Variants in L3MBTL4 observed in about 807,000 individuals in gnomAD.
L3MBTL4 encodes lethal(3)malignant brain tumor-like protein 4.
L3MBTL4 carries 70 observed loss-of-function variants against 84.5 expected under a neutral mutation model. The observed-to-expected ratio is 0.83, with a 90% CI of 0.68 to 1.01. The LOEUF is 1.01. Among genes scored for constraint, L3MBTL4 ranks in the 50% least tolerant of loss-of-function variants. L3MBTL4 has a pLI of 0.00. For missense variants in L3MBTL4, 715 were observed against 754.8 expected (o/e 0.95, Z 0.62); for synonymous variants, 274 against 259.8 (o/e 1.05, Z -0.52).
chr18:6,351,205 G>A (rs570398562), intron 1 of L3MBTL4, among the ~76,000 whole-genome samples: 19 of 152,026 alleles, frequency 1.2e-4, no homozygotes, highest in Admixed American at 2.6e-4. Context: ...CGAAAAAAGC[G>A]CATACTACAA....
At chr18:6,185,198 T>A (rs1015609326) in intron 12 of L3MBTL4, among the ~76,000 whole-genome samples, 1 of 152,142 alleles carries the variant, frequency 6.6e-6, no homozygotes, top group Non-Finnish European at 1.5e-5. Flanking sequence ...GGCATTGATT[T>A]AGGAGTCATA....
chr18:6,161,499 C>A (rs533768344), intron 13 of L3MBTL4, among the ~76,000 whole-genome samples: 1 of 152,312 alleles, frequency 6.6e-6, no homozygotes, highest in East Asian at 1.9e-4. Flanking sequence ...CCACGGTGTG[C>A]ACTCTACCTT....
At chr18:6,154,063 C>T (rs1598927869) in intron 13 of L3MBTL4, among the ~76,000 whole-genome samples, 1 of 152,208 alleles carries the variant, frequency 6.6e-6, no homozygotes, top group East Asian at 1.9e-4. Context: ...TTTTTCTTCT[C>T]TAATTACTAT....
intron 12 of L3MBTL4, among the ~76,000 whole-genome samples, chr18:6,181,689 A>G (rs771048570): frequency 6.6e-6 from 1 of 152,106 alleles, no homozygotes; most frequent in Non-Finnish European, 1.5e-5. Context: ...AGTAGGCCCC[A>G]GCATCTCTTG....
At position 6,169,114 on chromosome 18, in the gene L3MBTL4, C is replaced by T. The variant is rs1173610242; in HGVS notation, c.1096+2714G>A. On this transcript the variant is annotated intron_variant, in intron 13 of 18. Transcript: ENST00000317931. ...CACTGGTCATCAGAGAAATGCAAAT[C>T]AAAACCACAATGAGATACCATCTCA... Among the ~76,000 whole-genome samples, 3 of 152,294 alleles carry T rather than the reference C, an allele frequency of 2.0e-5. No homozygotes were observed. In the East Asian group the frequency reaches 5.8e-4, roughly 29 times the overall value.
chr18:6,209,445 CAA>C (rs60613997), intron 12 of L3MBTL4, among the ~76,000 whole-genome samples: 267 of 113,938 alleles, frequency 2.3e-3, no homozygotes, highest in East Asian at 0.019. Context: ...ACTAAACTGG[CAA>C]AAAAAAAAAA....
chr18:6,116,100 T>C (rs2059351353), intron 14 of L3MBTL4, among the ~76,000 whole-genome samples: 1 of 152,170 alleles, frequency 6.6e-6, no homozygotes. Context: ...AGAGATGCTC[T>C]AATAGCTAAA....
intron 6 of L3MBTL4, 130 bp downstream of exon 6, chr18:6,244,354 C>T (rs917575883): frequency 5.5e-6 from 3 of 544,672 alleles, no homozygotes; most frequent in Non-Finnish European, 9.5e-6. Context: ...TTTCACCCAT[C>T]GCTGACTAAA....
rs763313207 is a variant in L3MBTL4 at position 6,238,013 on chromosome 18, C to A, written c.735G>T (p.Gln245His). Residue 245 changes from glutamine to histidine, a missense_variant, in exon 10 of 19, where the codon CAG becomes CAT. Coordinates refer to ENST00000317931, the MANE Select transcript of L3MBTL4 (RefSeq NM_001330559.2). ...YWCDVNSPYV[Q>H]PVGWCQENGR... ...CATTCTCCTGACACCAACCAACTGG[C>A]TGGACATAAGGGCTATTAACATCGC... 1 of 1,614,144 alleles carries A rather than the reference C, an allele frequency of 6.2e-7. No individual in the cohort carries two copies. Among genetic ancestry groups the A allele is most frequent in the Non-Finnish European group, 8.5e-7 (1 of 1,180,008 alleles).
intron 9 of L3MBTL4, among the ~76,000 whole-genome samples, chr18:6,238,391 G>C (rs1251277986): frequency 6.6e-6 from 1 of 152,180 alleles, no homozygotes; most frequent in Non-Finnish European, 1.5e-5. Flanking sequence ...AAATTAGCCA[G>C]GTGTGGTGGC....
At chr18:6,317,712 T>C (rs2051180791) in intron 1 of L3MBTL4, among the ~76,000 whole-genome samples, 1 of 152,182 alleles carries the variant, frequency 6.6e-6, no homozygotes, top group Admixed American at 6.5e-5. Context: ...ATCCCTGGTC[T>C]TGCTAGAGAT....
chr18:6,184,273 C>T (rs1051452572), intron 12 of L3MBTL4, among the ~76,000 whole-genome samples: 4 of 152,084 alleles, frequency 2.6e-5, no homozygotes, highest in Non-Finnish European at 5.9e-5. Flanking sequence ...ATTTTACATC[C>T]GTCACGGTAA....
chr18:6,188,157 A>G (rs1242573876), intron 12 of L3MBTL4, among the ~76,000 whole-genome samples: 1 of 152,052 alleles, frequency 6.6e-6, no homozygotes, highest in Non-Finnish European at 1.5e-5. Context: ...CTGAAATGAG[A>G]AACTATTGGC....
chr18:6,265,570 T>C (rs2048593863), intron 4 of L3MBTL4, among the ~76,000 whole-genome samples: 1 of 152,244 alleles, frequency 6.6e-6, no homozygotes, highest in Non-Finnish European at 1.5e-5. Context: ...ATGCTTTATG[T>C]ATTTAATATA....
At chr18:6,036,463 CT>C (rs1053057755) in intron 16 of L3MBTL4, among the ~76,000 whole-genome samples, 2 of 151,868 alleles carry the variant, frequency 1.3e-5, no homozygotes, top group African/African-American at 4.8e-5. Flanking sequence ...TTTTTGGTTT[CT>C]TTTTAGGTTT....
intron 8 of L3MBTL4, among the ~76,000 whole-genome samples, chr18:6,240,120 T>C (rs1326339446): frequency 6.6e-6 from 1 of 152,040 alleles, no homozygotes; most frequent in Non-Finnish European, 1.5e-5. Flanking sequence ...GGAGGTTTTC[T>C]TTCCCTTATC....
intron 12 of L3MBTL4, among the ~76,000 whole-genome samples, chr18:6,178,408 C>G (rs531281880): frequency 6.6e-6 from 1 of 152,188 alleles, no homozygotes; most frequent in Admixed American, 6.5e-5. Flanking sequence ...GAATAAAAAT[C>G]CGATTTAAAA....
At chr18:6,094,316 G>A (rs1294643093) in intron 14 of L3MBTL4, among the ~76,000 whole-genome samples, 1 of 152,198 alleles carries the variant, frequency 6.6e-6, no homozygotes, top group African/African-American at 2.4e-5. Flanking sequence ...TACCAGGGAA[G>A]ACACACCCAA....
chr18:6,243,543 C>A (rs946445061), intron 6 of L3MBTL4, 114 bp from the exon 7 acceptor site: 1 of 759,372 alleles, frequency 1.3e-6, no homozygotes, highest in Non-Finnish European at 1.9e-6. Flanking sequence ...AAGAGCCAAC[C>A]CTTCTATCCA....
Sources: allele counts gnomAD v4.1 joint callset (sites outside exome capture counted in the v4.1 genomes callset), GRCh38; gene constraint gnomAD v4.1.1; transcripts MANE v1.5; gene names NCBI Gene and HGNC (gene_info 2026-07-23, HGNC 2026-07-21).